Variants in ADCYAP1R1 observed in about 807,000 individuals in gnomAD.
The protein encoded by ADCYAP1R1 is pituitary adenylate cyclase-activating polypeptide type I receptor.
A neutral mutation model predicts 67.6 loss-of-function variants in ADCYAP1R1; 44 were observed. The ratio of observed to expected loss-of-function variants is 0.65; its 90% confidence interval spans 0.51 to 0.84. The LOEUF (loss-of-function observed/expected upper bound fraction) is 0.84. Among genes scored for constraint, ADCYAP1R1 ranks in the 40% least tolerant of loss-of-function variants. The pLI is 0.00. For missense variants in ADCYAP1R1, 477 were observed against 587.9 expected, an observed-to-expected ratio of 0.81 and a Z score of 1.95; for synonymous variants, 222 against 219.6, an observed-to-expected ratio of 1.01 and a Z score of -0.10.
chr7:31,056,134 T>G (rs571286040), intron 1 of ADCYAP1R1, among the ~76,000 whole-genome samples: 1 of 152,174 alleles, frequency 6.6e-6, no homozygotes. Context: ...ACAATGAACA[T>G]GATGAGACCT....
chr7:31,076,616 G>A (rs1021993128), intron 3 of ADCYAP1R1, among the ~76,000 whole-genome samples: 2 of 152,178 alleles, frequency 1.3e-5, no homozygotes, highest in Non-Finnish European at 2.9e-5. Flanking sequence ...CAGCAATCCC[G>A]GCCTCCACCT....
intron 13 of ADCYAP1R1, among the ~76,000 whole-genome samples, chr7:31,100,430 T>G (rs758146502): frequency 6.6e-6 from 1 of 152,142 alleles, no homozygotes; most frequent in African/African-American, 2.4e-5. Context: ...TCTACGGCCA[T>G]TGTGGGTGCT....
intron 6 of ADCYAP1R1, among the ~76,000 whole-genome samples, chr7:31,083,773 C>T (rs1795616078): frequency 6.6e-6 from 1 of 152,198 alleles, no homozygotes; most frequent in South Asian, 2.1e-4. Context: ...AAGGGCAGGC[C>T]TGGAATCTGC....
At chr7:31,077,568 TGTG>T (rs1720515066) in intron 3 of ADCYAP1R1, among the ~76,000 whole-genome samples, 2 of 148,088 alleles carry the variant, frequency 1.4e-5, no homozygotes, top group African/African-American at 5.0e-5. Flanking sequence ...GCATGTGTGA[TGTG>T]TGTGTGTTGT....
chr7:31,055,068 G>T (rs1248416420), intron 1 of ADCYAP1R1, among the ~76,000 whole-genome samples: 2 of 152,164 alleles, frequency 1.3e-5, no homozygotes, highest in Non-Finnish European at 2.9e-5. Flanking sequence ...TGCCGTCAGA[G>T]GCAAATGGTG....
Position 31,052,504 on chromosome 7 carries a change from AG to A in ADCYAP1R1, c.-243del, listed in dbSNP as rs1178245745. On this transcript the variant is annotated 5_prime_UTR_variant, in exon 1 of 16. Coordinates refer to ENST00000304166, the MANE Select transcript of ADCYAP1R1 (RefSeq NM_001118.5). The stretch of plus-strand genomic sequence containing the variant: ...TGCGCACACGCACACGCCGCCGCGC[AG>A]GGACACACGGACCCCGGCCGCCAGC... 3 of 149,800 alleles carry A rather than the reference AG, an allele frequency of 2.0e-5. No homozygotes were observed. Among genetic ancestry groups the A allele is most frequent in the Admixed American group, 6.6e-5 (1 of 15,068 alleles). The allele number at this position is 149,800 out of a possible 1,614,324, so 9.3% of individuals were successfully genotyped here.
intron 4 of ADCYAP1R1, among the ~76,000 whole-genome samples, chr7:31,080,397 C>T (rs996369134): frequency 6.6e-6 from 1 of 152,302 alleles, no homozygotes; most frequent in African/African-American, 2.4e-5. Context: ...CTCCCTCCTC[C>T]TCTCAAATGC....
chr7:31,106,573 C>A lies in ADCYAP1R1; in HGVS notation c.1296C>A (p.His432Gln), dbSNP rs755575382. The change falls in exon 16 of 16, where the codon CAC (histidine) becomes CAA (glutamine). Residue 432 changes from histidine to glutamine, a missense_variant. His to Gln is a conservative substitution (Grantham distance 24, BLOSUM62 0). Transcript: ENST00000304166. ...RYFAVDFKHRHPSLASSGVNG... is the reference protein window; with the variant it reads ...RYFAVDFKHRQPSLASSGVNG... ...TCGCTGTGGACTTCAAGCACCGACACCCGTCTCTGGCCAGCAGTGGGGTGA... is the reference window on the plus strand; with the variant it reads ...TCGCTGTGGACTTCAAGCACCGACAACCGTCTCTGGCCAGCAGTGGGGTGA... 1.9e-6 allele frequency: 3 copies of A among 1,614,082 alleles called. No individual in the cohort carries two copies. In the East Asian group the frequency reaches 6.7e-5, roughly 36 times the overall value.
chr7:31,093,385 A>T (rs1302348315), intron 13 of ADCYAP1R1, among the ~76,000 whole-genome samples: 2 of 152,116 alleles, frequency 1.3e-5, no homozygotes, highest in African/African-American at 4.8e-5. Flanking sequence ...TTCCATGGCC[A>T]CTTGATTTCC....
At chr7:31,057,708 A>C (rs1206540692) in intron 1 of ADCYAP1R1, among the ~76,000 whole-genome samples, 1 of 152,002 alleles carries the variant, frequency 6.6e-6, no homozygotes, top group Non-Finnish European at 1.5e-5. Context: ...CCTCCCTTTG[A>C]GGGGTGAGTG....
intron 1 of ADCYAP1R1, among the ~76,000 whole-genome samples, chr7:31,058,919 C>T (rs143274951): frequency 5.9e-5 from 9 of 152,300 alleles, no homozygotes; most frequent in African/African-American, 1.7e-4. Context: ...CTCTGTGTGT[C>T]GGTCACCTCC....
At position 31,086,951 on chromosome 7, in the gene ADCYAP1R1, A is replaced by G. The variant is rs759424038; in HGVS notation, c.832A>G (p.Thr278Ala). 5.0e-6 allele frequency: 8 copies of G among 1,614,002 alleles called. No homozygotes were observed. The highest frequency in any genetic ancestry group is 1.3e-5 in the African/African-American group (1 of 74,912). Residue 278 changes from threonine (T) to alanine (A), a missense_variant, in exon 11 of 16, where the codon ACT (threonine) becomes GCT (alanine). Thr to Ala is a moderately conservative substitution (Grantham distance 58). Coordinates refer to ENST00000304166, the MANE Select transcript of ADCYAP1R1 (RefSeq NM_001118.5). This position sits in a 1 kb window ranked among gnomAD's most constrained non-coding sequence, Gnocchi z 5.0. ...WYTIIGWGTP[T>A]VCVTVWATLR... is the part of the protein sequence containing the mutation. ...TTTTCTTGTTCTCCCAGGGACCCCA[A>G]CTGTGTGTGTGACAGTGTGGGCTAC...
intron 1 of ADCYAP1R1, among the ~76,000 whole-genome samples, chr7:31,060,314 A>T (rs183791849): frequency 6.6e-6 from 1 of 152,354 alleles, no homozygotes; most frequent in East Asian, 1.9e-4. Context: ...GCCTCTCTAT[A>T]GCTGAATGCC....
chr7:31,091,560 T>A (rs11983318), intron 12 of ADCYAP1R1, among the ~76,000 whole-genome samples: 6,312 of 152,278 alleles, frequency 0.041, 428 homozygotes, highest in African/African-American at 0.15. Flanking sequence ...TATCTTTAAG[T>A]CTTTAGTTCA....
intron 13 of ADCYAP1R1, among the ~76,000 whole-genome samples, chr7:31,100,900 T>C (rs1463920732): frequency 6.6e-6 from 1 of 152,238 alleles, no homozygotes. Flanking sequence ...CCACTGTTAT[T>C]TGGGCATCTC....
chr7:31,063,244 T>G lies in ADCYAP1R1; in HGVS notation c.-21T>G. 1 of 1,613,934 alleles carries G rather than the reference T, an allele frequency of 6.2e-7. No individual in the cohort carries two copies. Among genetic ancestry groups the G allele is most frequent in the Non-Finnish European group, 8.5e-7 (1 of 1,179,790 alleles). On this transcript the variant is annotated 5_prime_UTR_variant, in exon 2 of 16. Coordinates refer to ENST00000304166, the MANE Select transcript of ADCYAP1R1 (RefSeq NM_001118.5). ...GCCGCTGCTGTCAGTGGGAGGCCAGTGGTGCTGGCCAAGAAGTGTCATGGC... is the reference window on the plus strand; with the variant it reads ...GCCGCTGCTGTCAGTGGGAGGCCAGGGGTGCTGGCCAAGAAGTGTCATGGC...
chr7:31,054,949 G>T (rs1029136192), intron 1 of ADCYAP1R1, among the ~76,000 whole-genome samples: 2 of 152,210 alleles, frequency 1.3e-5, no homozygotes, highest in African/African-American at 4.8e-5. Context: ...TCCCTGAGGA[G>T]AGGAATCTGA....
intron 1 of ADCYAP1R1, among the ~76,000 whole-genome samples, chr7:31,055,354 T>C (rs959026911): frequency 6.6e-6 from 1 of 151,580 alleles, no homozygotes; most frequent in Admixed American, 6.6e-5. Flanking sequence ...TGTGTGTGTG[T>C]GTGTGCACGC....
In ADCYAP1R1 at chr7:31,101,579, C is replaced by T. The variant is rs1796438271; in HGVS notation, c.1047-1658C>T. Among the ~76,000 whole-genome samples, 3 of 152,184 alleles carry T rather than the reference C, an allele frequency of 2.0e-5. No homozygotes were observed. The South Asian group carries it at 6.2e-4, about 32-fold the overall frequency. ...TTTCTGGCCATTTTCCTCTGCATTC[C>T]CGACTTTCATTCCTTCTGCAAGCAC... is the stretch of plus-strand genomic sequence containing the variant. On this transcript the variant is annotated intron_variant, in intron 13 of 15. Coordinates refer to ENST00000304166, the MANE Select transcript of ADCYAP1R1 (RefSeq NM_001118.5).
Sources: allele counts gnomAD v4.1 joint callset (sites outside exome capture counted in the v4.1 genomes callset), GRCh38; gene constraint gnomAD v4.1.1; non-coding constraint Gnocchi (gnomAD v3.1); transcripts MANE v1.5; gene names NCBI Gene and HGNC (gene_info 2026-07-23, HGNC 2026-07-21).